SLC2A14: variants seen among roughly 807,000 people sequenced by gnomAD.
The protein encoded by SLC2A14 is solute carrier family 2 member 14.
A neutral mutation model predicts 43.0 loss-of-function variants in SLC2A14; 13 were observed. The observed-to-expected ratio is 0.30, with a 90% CI of 0.20 to 0.48. SLC2A14 has a LOEUF of 0.48. SLC2A14 is among the 20% of genes least tolerant of loss of function. The pLI is 0.99. For missense variants in SLC2A14, 428 were observed against 620.4 expected (o/e 0.69, Z 3.29); for synonymous variants, 190 against 233.8 (o/e 0.81, Z 1.71).
chr12:7,830,214 G>A lies in SLC2A14; in HGVS notation c.273-208C>T, dbSNP rs754544905. 1.5e-4 allele frequency among the ~76,000 whole-genome samples: 23 copies of A among 150,414 alleles called. No homozygotes were observed. The South Asian group carries it at 3.4e-3, about 22-fold the overall frequency. On this transcript the variant is annotated intron_variant, in intron 4 of 10. Transcript: ENST00000431042. The stretch of plus-strand genomic sequence containing the variant: ...GTTGCCCAGGCTGGAGTGCAGTGGC[G>A]CGATCTCCGCTCACTGCAACCTCTG...
At chr12:7,850,316 G>A (rs1254686343) in intron 2 of SLC2A14, among the ~76,000 whole-genome samples, 1 of 152,126 alleles carries the variant, frequency 6.6e-6, no homozygotes, top group Non-Finnish European at 1.5e-5. Flanking sequence ...AAGCAAGTTC[G>A]GGGATGCTGC....
intron 2 of SLC2A14, among the ~76,000 whole-genome samples, chr12:7,862,015 C>T (rs113834398): frequency 6.7e-6 from 1 of 149,890 alleles, no homozygotes; most frequent in African/African-American, 2.5e-5. Context: ...TCTGCAATCC[C>T]AGCACTTTGG....
intron 4 of SLC2A14, chr12:7,831,309 C>A: frequency 1.2e-5 from 3 of 258,544 alleles, no homozygotes; most frequent in Non-Finnish European, 2.2e-5. Flanking sequence ...TAAGTATGTT[C>A]CTGGAAACCC....
intron 2 of SLC2A14, chr12:7,860,383 T>C (rs1218068033): frequency 1.3e-5 from 2 of 152,178 alleles, no homozygotes; most frequent in Non-Finnish European, 2.9e-5. Flanking sequence ...GGGACAGCCA[T>C]GTCCTCCTGG....
At chr12:7,826,663 AT>A (rs1864377792) in intron 7 of SLC2A14, among the ~76,000 whole-genome samples, 1 of 152,024 alleles carries the variant, frequency 6.6e-6, no homozygotes, top group African/African-American at 2.4e-5. Flanking sequence ...GGAAGCTGAT[AT>A]TTGCATGGAA....
Position 7,812,913 on chromosome 12 carries a change from G to A in SLC2A14, c.*1403C>T, listed in dbSNP as rs1291089874. On this transcript the variant is annotated 3_prime_UTR_variant, in exon 11 of 11. Coordinates refer to ENST00000431042, the MANE Select transcript of SLC2A14 (RefSeq NM_001286234.2). The stretch of plus-strand genomic sequence containing the variant: ...CAACAATAACATACTTCCACCCAGA[G>A]CAAAGTGACAGTGCACATACATTCA... 5 of 152,140 alleles carry A rather than the reference G, an allele frequency of 3.3e-5. No homozygotes were observed. The highest frequency in any genetic ancestry group is 3.3e-4 in the Admixed American group (5 of 15,250). The allele number at this position is 152,140 out of a possible 1,614,324, so 9.4% of individuals were successfully genotyped here.
intron 10 of SLC2A14, among the ~76,000 whole-genome samples, chr12:7,815,142 G>A (rs893613475): frequency 6.6e-6 from 1 of 151,726 alleles, no homozygotes; most frequent in East Asian, 2.0e-4. Flanking sequence ...TGGGTGTGGT[G>A]GCTCATGCCT....
At chr12:7,889,818 G>A (rs890975045) in intron 1 of SLC2A14, among the ~76,000 whole-genome samples, 3 of 152,304 alleles carry the variant, frequency 2.0e-5, no homozygotes, top group East Asian at 1.9e-4. Context: ...TTACAGGCAT[G>A]AGCCTGGTCG....
At chr12:7,840,920 G>C (rs753785919) in intron 2 of SLC2A14, among the ~76,000 whole-genome samples, 31 of 152,286 alleles carry the variant, frequency 2.0e-4, no homozygotes, top group African/African-American at 7.5e-4. Context: ...AGAGACCTGA[G>C]GGTCAAATCA....
chr12:7,859,394 A>C (rs1944420779), intron 2 of SLC2A14, among the ~76,000 whole-genome samples: 1 of 152,138 alleles, frequency 6.6e-6, no homozygotes, highest in South Asian at 2.1e-4. Context: ...CGCTGTCTCA[A>C]AAAATAAAAA....
chr12:7,873,836 G>A (rs1446759489), upstream of SLC2A14, among the ~76,000 whole-genome samples: 1 of 152,008 alleles, frequency 6.6e-6, no homozygotes, highest in African/African-American at 2.4e-5. Context: ...GGCCCCTGCA[G>A]ACAGCACGAA....
intron 1 of SLC2A14, among the ~76,000 whole-genome samples, chr12:7,888,808 A>AAAG (rs906740930): frequency 1.6e-4 from 23 of 147,584 alleles, no homozygotes; most frequent in Non-Finnish European, 3.2e-4. Context: ...AAAAAAAAAA[A>AAAG]AAAAAAAGAA....
intron 6 of SLC2A14, among the ~76,000 whole-genome samples, 169 bp from the exon 7 acceptor site, chr12:7,827,851 G>A (rs1864629584): frequency 6.6e-6 from 1 of 152,128 alleles, no homozygotes; most frequent in Non-Finnish European, 1.5e-5. Flanking sequence ...TTACTCAAGA[G>A]TAATCAGAGC....
At chr12:7,875,122 T>TTAAATATATATAAATATTATATTTAA (rs1945433326), upstream of SLC2A14, among the ~76,000 whole-genome samples, 2 of 5,040 alleles carry the variant, frequency 4.0e-4, no homozygotes, top group African/African-American at 9.5e-4. Context: ...TATATTTAAA[T>TTAAATATATATAAATATTATATTTAA]AGTTAAATAT....
At chr12:7,875,986 AAG>A (rs1425886899), upstream of SLC2A14, among the ~76,000 whole-genome samples, 1 of 151,154 alleles carries the variant, frequency 6.6e-6, no homozygotes, top group African/African-American at 2.4e-5. Flanking sequence ...AGAAAAAAAA[AAG>A]AGACACCAAG....
intron 2 of SLC2A14, chr12:7,863,358 G>A (rs996514702): frequency 1.1e-5 from 5 of 453,234 alleles, no homozygotes; most frequent in Admixed American, 2.4e-5. Context: ...TTTAAGGGCT[G>A]TAACACTCAC....
intron 7 of SLC2A14, among the ~76,000 whole-genome samples, chr12:7,825,656 G>A (rs1305170311): frequency 6.6e-6 from 1 of 151,314 alleles, no homozygotes; most frequent in Admixed American, 6.6e-5. Flanking sequence ...CCAGCTACTT[G>A]GGAGGCTGAG....
chr12:7,832,685 C>A, intron 3 of SLC2A14, 37 bp downstream of exon 3: 1 of 1,599,848 alleles, frequency 6.3e-7, no homozygotes, highest in South Asian at 1.1e-5. Flanking sequence ...AATAATTTCC[C>A]TATTCCAGAT....
At chr12:7,877,897 C>T (rs749343606), upstream of SLC2A14, among the ~76,000 whole-genome samples, 1 of 152,150 alleles carries the variant, frequency 6.6e-6, no homozygotes, top group Non-Finnish European at 1.5e-5. Context: ...CACATGCCAT[C>T]ATGCCCAGCT....
Sources: gnomAD v4.1 joint callset for allele counts (sites outside exome capture counted in the v4.1 genomes callset) on GRCh38, gnomAD v4.1.1 for gene constraint, MANE v1.5 for transcripts, NCBI Gene and HGNC (gene_info 2026-07-23, HGNC 2026-07-21) for gene names.